GABRB3: variants seen among roughly 807,000 people sequenced by gnomAD.
The protein encoded by GABRB3 is gamma-aminobutyric acid receptor subunit beta-3.
A neutral mutation model predicts 52.1 loss-of-function variants in GABRB3; 14 were observed. The ratio of observed to expected loss-of-function variants is 0.27; its 90% CI spans 0.18 to 0.42. GABRB3 has a LOEUF of 0.42. GABRB3 is among the 10% of genes least tolerant of loss of function. The pLI is 1.00. For synonymous variants in GABRB3, 260 were observed against 232.3 expected, an observed-to-expected ratio of 1.12 and a Z score of -1.08; for missense variants, 307 against 609.1, an observed-to-expected ratio of 0.50 and a Z score of 5.22.
At chr15:26,575,103 T>G (rs1654884243) in intron 6 of GABRB3, among the ~76,000 whole-genome samples, 1 of 152,198 alleles carries the variant, frequency 6.6e-6, no homozygotes, top group Non-Finnish European at 1.5e-5. Context: ...GAGCACAGTT[T>G]TAAACTTTTG....
intron 3 of GABRB3, among the ~76,000 whole-genome samples, chr15:26,719,063 A>G (rs1027809596): frequency 6.6e-6 from 1 of 152,220 alleles, no homozygotes; most frequent in African/African-American, 2.4e-5. Context: ...GCTTCCTACA[A>G]GTTGCCTGCA....
intron 3 of GABRB3, among the ~76,000 whole-genome samples, chr15:26,653,871 T>C (rs1887277694): frequency 6.6e-6 from 1 of 152,224 alleles, no homozygotes; most frequent in Admixed American, 6.5e-5. Flanking sequence ...ACTGCAGTGT[T>C]TGAATATTTA....
At chr15:26,624,222 G>A (rs1892595558) in intron 3 of GABRB3, 12 of 985,542 alleles carry the variant, frequency 1.2e-5, no homozygotes, top group African/African-American at 1.7e-5. Flanking sequence ...CGCTGGTGTG[G>A]GCGGTGCGCT....
At chr15:26,725,984 T>G (rs534822015) in intron 3 of GABRB3, among the ~76,000 whole-genome samples, 1 of 152,334 alleles carries the variant, frequency 6.6e-6, no homozygotes, top group East Asian at 1.9e-4. Context: ...GGGAACCTGC[T>G]TTGGCATGTC....
At chr15:26,651,957 C>T (rs1887210217) in intron 3 of GABRB3, among the ~76,000 whole-genome samples, 1 of 152,170 alleles carries the variant, frequency 6.6e-6, no homozygotes, top group Non-Finnish European at 1.5e-5. Flanking sequence ...GCCAGGTCTT[C>T]CCTTTCTAGG....
chr15:26,668,168 A>G (rs890321), intron 3 of GABRB3, among the ~76,000 whole-genome samples: 62,447 of 152,066 alleles, frequency 0.41, 15,293 homozygotes, highest in Admixed American at 0.57. Flanking sequence ...GAACAGTAAC[A>G]GGACCTACCT....
chr15:26,740,812 A>G (rs906968745), intron 3 of GABRB3, among the ~76,000 whole-genome samples: 1 of 152,144 alleles, frequency 6.6e-6, no homozygotes, highest in Non-Finnish European at 1.5e-5. Flanking sequence ...GTCCCAGCAG[A>G]GTACTAAGAA....
intron 3 of GABRB3, among the ~76,000 whole-genome samples, chr15:26,690,930 G>C (rs1019773602): frequency 5.3e-5 from 8 of 151,300 alleles, no homozygotes; most frequent in African/African-American, 1.9e-4. Flanking sequence ...CAAGAGTTCT[G>C]GCCAATCGCA....
At chr15:26,638,674 G>A (rs1039438034) in intron 3 of GABRB3, among the ~76,000 whole-genome samples, 3 of 152,080 alleles carry the variant, frequency 2.0e-5, no homozygotes, top group Non-Finnish European at 4.4e-5. Flanking sequence ...CAGAATCCCA[G>A]GAGGTAAAGC....
chr15:26,592,062 G>A (rs1050877390), intron 4 of GABRB3, among the ~76,000 whole-genome samples: 1 of 152,084 alleles, frequency 6.6e-6, no homozygotes, highest in Non-Finnish European at 1.5e-5. Flanking sequence ...AATGTAGTTG[G>A]GGGGATATGG....
chr15:26,555,448 T>C (rs1396420599), intron 8 of GABRB3, among the ~76,000 whole-genome samples: 1 of 152,110 alleles, frequency 6.6e-6, no homozygotes, highest in African/African-American at 2.4e-5. Flanking sequence ...TGTCCTGTCT[T>C]CCCCAGCGCT....
intron 3 of GABRB3, among the ~76,000 whole-genome samples, chr15:26,761,198 G>C (rs1351639745): frequency 6.6e-6 from 1 of 152,112 alleles, no homozygotes; most frequent in African/African-American, 2.4e-5. Flanking sequence ...TTCGAGACCA[G>C]CCTGGCCAAC....
intron 4 of GABRB3, among the ~76,000 whole-genome samples, chr15:26,601,674 TGTTAA>T (rs1236407691): frequency 1.3e-5 from 2 of 152,172 alleles, no homozygotes; most frequent in African/African-American, 4.8e-5. Context: ...CATGCAATAG[TGTTAA>T]GTTGTCATCC....
At chr15:26,665,185 T>G (rs1392822232) in intron 3 of GABRB3, among the ~76,000 whole-genome samples, 1 of 152,190 alleles carries the variant, frequency 6.6e-6, no homozygotes, top group Admixed American at 6.5e-5. Context: ...TATCACTAGA[T>G]CTTATTCATT....
At chr15:26,580,791 A>G (rs1400455865) in intron 5 of GABRB3, 2 of 391,186 alleles carry the variant, frequency 5.1e-6, no homozygotes, top group Non-Finnish European at 9.7e-6. Context: ...GCAATGAATA[A>G]GATAGTTTTA....
At chr15:26,678,597 A>G (rs192203320) in intron 3 of GABRB3, among the ~76,000 whole-genome samples, 1 of 152,288 alleles carries the variant, frequency 6.6e-6, no homozygotes, top group Admixed American at 6.5e-5. Flanking sequence ...AGAGGGGGAG[A>G]GAGATACAGA....
chr15:26,690,103 C>A (rs1327173632), intron 3 of GABRB3, among the ~76,000 whole-genome samples: 1 of 73,408 alleles, frequency 1.4e-5, no homozygotes, highest in Non-Finnish European at 3.2e-5. Flanking sequence ...AGAAGGTACA[C>A]GGATTTTTTT....
chr15:26,713,577 T>C (rs536378006), intron 3 of GABRB3, among the ~76,000 whole-genome samples: 2 of 152,066 alleles, frequency 1.3e-5, no homozygotes, highest in African/African-American at 2.4e-5. Context: ...ATCAGAGATA[T>C]GCATCAAAAA....
At chr15:26,688,263 C>T (rs1287799990) in intron 3 of GABRB3, among the ~76,000 whole-genome samples, 1 of 152,174 alleles carries the variant, frequency 6.6e-6, no homozygotes, top group East Asian at 1.9e-4. Flanking sequence ...GCCCCGTGAT[C>T]AATGGGACAG....
Sources: gnomAD v4.1 joint callset for allele counts (sites outside exome capture counted in the v4.1 genomes callset) on GRCh38, gnomAD v4.1.1 for gene constraint, MANE v1.5 for transcripts, NCBI Gene and HGNC (gene_info 2026-07-23, HGNC 2026-07-21) for gene names.